Variants in DNAH11 observed in about 807,000 individuals in gnomAD.
DNAH11 encodes dynein axonemal heavy chain 11.
Under a neutral mutation model 526.0 loss-of-function variants are expected in DNAH11, and 442 were observed. The observed-to-expected ratio is 0.84, with a 90% confidence interval of 0.78 to 0.91. The LOEUF is 0.91. Ranked by LOEUF, DNAH11 falls within the 40% of genes least tolerant of loss-of-function variation. The pLI is 0.00. For missense variants in DNAH11, 6,989 were observed against 5,448.7 expected (o/e 1.28, Z -8.90); for synonymous variants, 2,461 against 1,935.9 (o/e 1.27, Z -7.12).
rs980098557 is a variant in DNAH11, at chr7:21,880,771, G to A, written c.12265G>A (p.Ala4089Thr). The A allele has an allele frequency of 3.1e-6, 5 of 1,613,922 alleles. No homozygotes were observed. The highest frequency in any genetic ancestry group is 3.4e-6 in the Non-Finnish European group (4 of 1,179,884). The change falls in exon 75 of 82, where the codon GCC becomes ACC. Residue 4089 changes from alanine (A) to threonine (T), a missense_variant. By Grantham distance (58) the Ala-to-Thr change is moderately conservative. Coordinates refer to ENST00000409508, the MANE Select transcript of DNAH11 (RefSeq NM_001277115.2). ...SILFSLCYFH[A>T]CVAGRLRFGP... ...CCTTTTTTCTCTCTGCTACTTCCAC[G>A]CCTGTGTTGCTGGGAGACTGAGGTT...
rs1052100649 is a variant in DNAH11 at position 21,676,308 on chromosome 7, G to A, written c.5329-5238G>A. Among the ~76,000 whole-genome samples the A allele has an allele frequency of 8.5e-5, 13 of 152,238 alleles. No individual in the cohort carries two copies. In the East Asian group the frequency reaches 9.6e-4, roughly 11 times the overall value. ...GTAGAAAATCATGTAACACTGTTGCGATCAGTGGCAAGAATATGTACTGAT... is the reference window on the plus strand; with the variant it reads ...GTAGAAAATCATGTAACACTGTTGCAATCAGTGGCAAGAATATGTACTGAT... On this transcript the variant is annotated intron_variant, in intron 30 of 81. Transcript: ENST00000409508.
intron 61 of DNAH11, among the ~76,000 whole-genome samples, chr7:21,799,152 T>A (rs964335258): frequency 6.6e-6 from 1 of 152,134 alleles, no homozygotes; most frequent in Non-Finnish European, 1.5e-5. Context: ...ATTTTTAAGA[T>A]AATGAAGCTG....
chr7:21,759,584 G>C (rs1786805982), intron 54 of DNAH11, among the ~76,000 whole-genome samples: 1 of 152,142 alleles, frequency 6.6e-6, no homozygotes, highest in African/African-American at 2.4e-5. Context: ...GAAAAATACT[G>C]AGGCTTTTGA....
chr7:21,644,479 A>G (rs1470228007), intron 28 of DNAH11, among the ~76,000 whole-genome samples: 1 of 152,206 alleles, frequency 6.6e-6, no homozygotes, highest in African/African-American at 2.4e-5. Flanking sequence ...AATGAGTTTT[A>G]GTTAAAATGA....
At chr7:21,654,994 G>T (rs912078643) in intron 28 of DNAH11, among the ~76,000 whole-genome samples, 1 of 152,118 alleles carries the variant, frequency 6.6e-6, no homozygotes, top group African/African-American at 2.4e-5. Context: ...GATAGATTTT[G>T]TTCTTCAAAC....
At chr7:21,754,967 A>G (rs1786565762) in intron 54 of DNAH11, among the ~76,000 whole-genome samples, 1 of 152,118 alleles carries the variant, frequency 6.6e-6, no homozygotes, top group East Asian at 1.9e-4. Context: ...TGTACTAAAG[A>G]CTCAGAATTT....
chr7:21,760,075 T>G (rs1016453841), intron 54 of DNAH11, among the ~76,000 whole-genome samples: 2 of 151,344 alleles, frequency 1.3e-5, no homozygotes, highest in African/African-American at 2.4e-5. Flanking sequence ...TGTTGGAAAC[T>G]AACTTAAGCC....
At position 21,543,542 on chromosome 7, in the gene DNAH11, G is replaced by T. The variant is rs886038461; in HGVS notation, c.297G>T (p.Pro99=). Residue 99 remains proline, a synonymous_variant, in exon 1 of 82, where the codon CCG becomes CCT. Transcript: ENST00000409508. ...GGGAGTTTCTGGAAAGCACCAGCCC[G>T]GCTTGCCTTGTGTTTAGCTTCGCCG... ...VLGEFLESTS[P]ACLVFSFAAS... The T allele has an allele frequency of 3.1e-6, 5 of 1,609,260 alleles. No homozygotes were observed. The highest frequency in any genetic ancestry group is 1.1e-5 in the South Asian group (1 of 89,754).
In DNAH11 at chr7:21,778,966, T is replaced by C. The variant is rs771886434; in HGVS notation, c.9345T>C (p.Asp3115=). The C allele has an allele frequency of 1.4e-5, 22 of 1,612,896 alleles. No homozygotes were observed. The African/African-American group carries it at 2.5e-4, about 19-fold the overall frequency. ...AATGACTTTTGCTTTAGGTGGGAGA[T>C]CTAAAAGCCAGACTTGCCTCTCAAG... is the stretch of plus-strand genomic sequence containing the variant. ...KLKTTASQVG[D]LKARLASQEA... Residue 3115 remains aspartate, a synonymous_variant, in exon 57 of 82, where the codon GAT becomes GAC. Coordinates refer to ENST00000409508, the MANE Select transcript of DNAH11 (RefSeq NM_001277115.2).
At chr7:21,632,026 T>C (rs1172910872) in intron 25 of DNAH11, among the ~76,000 whole-genome samples, 1 of 152,214 alleles carries the variant, frequency 6.6e-6, no homozygotes, top group Non-Finnish European at 1.5e-5. Flanking sequence ...AGGTAGAGGT[T>C]TCCACACCTC....
rs977645606 is a variant in DNAH11 at position 21,558,845 on chromosome 7, G to C, written c.539G>C (p.Trp180Ser). 6.2e-7 allele frequency: 1 copy of C among 1,607,912 alleles called. No homozygotes were observed. Among genetic ancestry groups the C allele is most frequent in the South Asian group, 1.1e-5 (1 of 89,636 alleles). The change falls in exon 3 of 82, where the codon TGG becomes TCG. Residue 180 changes from tryptophan (W) to serine (S), a missense_variant. Transcript: ENST00000409508. ...TCTAATAAGAACAACCATAAGTCCTGGTCCTGTTTTACTTCACAAGATATG... is the reference window on the plus strand; with the variant it reads ...TCTAATAAGAACAACCATAAGTCCTCGTCCTGTTTTACTTCACAAGATATG... ...VLSNKNNHKS[W>S]SCFTSQDMEY...
chr7:21,712,377 A>G (rs1251036903), intron 42 of DNAH11, among the ~76,000 whole-genome samples: 1 of 152,176 alleles, frequency 6.6e-6, no homozygotes, highest in Non-Finnish European at 1.5e-5. Context: ...CCTGCTTTCC[A>G]TTCTTTCGGG....
At chr7:21,809,699 G>A (rs2127997230) in intron 63 of DNAH11, among the ~76,000 whole-genome samples, 1 of 151,900 alleles carries the variant, frequency 6.6e-6, no homozygotes, top group East Asian at 1.9e-4. Context: ...AAGTAGCTGG[G>A]ATTACAGGCA....
rs1789816738 is a variant in DNAH11 at position 21,816,815 on chromosome 7, T to G, written c.10568+113T>G. The G allele has an allele frequency of 1.3e-5, 11 of 831,396 alleles. No homozygotes were observed. In the South Asian group the frequency reaches 2.0e-4, roughly 15 times the overall value. 51.5% of individuals were successfully genotyped at this position (831,396 alleles called of 1,614,324 possible). A position where few individuals can be genotyped will look rare whatever the true frequency, so the allele number is the denominator to read the frequency against. ...CTCCACCACATTGATGTATTACAATTTGGTGCTATTTGTTTATCTGCCTGT... is the reference window on the plus strand; with the variant it reads ...CTCCACCACATTGATGTATTACAATGTGGTGCTATTTGTTTATCTGCCTGT... On this transcript the variant is annotated intron_variant, in intron 64 of 81. Coordinates refer to ENST00000409508, the MANE Select transcript of DNAH11 (RefSeq NM_001277115.2).
At chr7:21,710,739 C>T (rs1298429428) in intron 41 of DNAH11, 36 bp downstream of exon 41, 5 of 1,580,596 alleles carry the variant, frequency 3.2e-6, no homozygotes, top group African/African-American at 2.7e-5. Context: ...TTAAATATAA[C>T]ATCCTGAGTG....
intron 76 of DNAH11, among the ~76,000 whole-genome samples, chr7:21,888,545 A>C (rs1341646327): frequency 6.6e-6 from 1 of 151,956 alleles, no homozygotes; most frequent in African/African-American, 2.4e-5. Flanking sequence ...GCTGGAGTGC[A>C]GTGGTGTGAT....
At chr7:21,626,268 C>A (rs1333869098) in intron 25 of DNAH11, among the ~76,000 whole-genome samples, 1 of 152,166 alleles carries the variant, frequency 6.6e-6, no homozygotes, top group African/African-American at 2.4e-5. Flanking sequence ...CTAGTTCCAT[C>A]CACATAGCTG....
chr7:21,892,607 G>A lies in DNAH11; in HGVS notation c.12690G>A (p.Leu4230=). The A allele has an allele frequency of 6.2e-7, 1 of 1,613,760 alleles. No homozygotes were observed. Among genetic ancestry groups the A allele is most frequent in the African/African-American group, 1.3e-5 (1 of 75,048 alleles). The change falls in exon 77 of 82, where the codon CTG becomes CTA. Residue 4230 remains leucine (L), a synonymous_variant. Coordinates refer to ENST00000409508, the MANE Select transcript of DNAH11 (RefSeq NM_001277115.2). ...VTSNTLFRTL[L]EMQPRNALSG... Reference sequence around the variant, plus strand: ...CCAACACTCTCTTCAGAACTTTGCTGGAGATGCAGCCCAGGAATGCACTCA... The same window carrying A: ...CCAACACTCTCTTCAGAACTTTGCTAGAGATGCAGCCCAGGAATGCACTCA...
At chr7:21,579,761 G>C (rs1437759404) in intron 8 of DNAH11, among the ~76,000 whole-genome samples, 1 of 152,210 alleles carries the variant, frequency 6.6e-6, no homozygotes. Context: ...AAATAAGAAA[G>C]TGACATGATA....
Sources: gnomAD v4.1 joint callset for allele counts (sites outside exome capture counted in the v4.1 genomes callset) on GRCh38, gnomAD v4.1.1 for gene constraint, MANE v1.5 for transcripts, NCBI Gene and HGNC (gene_info 2026-07-23, HGNC 2026-07-21) for gene names.